The following RNF170 variants were observed in gnomAD, a reference collection of about 807,000 sequenced individuals.
RNF170 encodes the protein E3 ubiquitin-protein ligase RNF170.
A neutral mutation model predicts 32.7 loss-of-function variants in RNF170; 12 were observed. The ratio of observed to expected loss-of-function variants is 0.37; its 90% CI spans 0.24 to 0.60. RNF170 has a LOEUF of 0.60. RNF170 is among the 20% of genes least tolerant of loss of function. The pLI is 0.72. For missense variants in RNF170, 212 were observed against 311.2 expected, an observed-to-expected ratio of 0.68 and a Z score of 2.40; for synonymous variants, 91 against 103.6, an observed-to-expected ratio of 0.88 and a Z score of 0.74.
chr8:42,863,980 A>AGGGT (rs149654513), intron 5 of RNF170, among the ~76,000 whole-genome samples: 1 of 139,512 alleles, frequency 7.2e-6, no homozygotes, highest in Admixed American at 7.2e-5. Context: ...AGAGAGAGAG[A>AGGGT]GTGTGTGTGT....
At chr8:42,894,005 C>G (rs541285481) in intron 1 of RNF170, among the ~76,000 whole-genome samples, 4 of 152,262 alleles carry the variant, frequency 2.6e-5, no homozygotes, top group African/African-American at 9.6e-5. Flanking sequence ...ATAAAACACA[C>G]AGAGAAAATA....
In RNF170 at chr8:42,854,180, C is replaced by T. The variant is rs1422000566; in HGVS notation, c.*1979G>A. 1 of 1,287,142 alleles carries T rather than the reference C, an allele frequency of 7.8e-7. No homozygotes were observed. The highest frequency in any genetic ancestry group is 2.3e-5 in the Admixed American group (1 of 43,556). The allele number at this position is 1,287,142 out of a possible 1,614,324, so 79.7% of individuals were successfully genotyped here. A position where few individuals can be genotyped will look rare whatever the true frequency, so the allele number is the denominator to read the frequency against. On this transcript the variant is annotated 3_prime_UTR_variant, in exon 7 of 7. Coordinates refer to ENST00000527424, the MANE Select transcript of RNF170 (RefSeq NM_030954.4). ...AGAATTCGGATTCATGTCATCTCCACAGACCTTTCCTCTTAGGAGTGCCTA... is the reference window on the plus strand; with the variant it reads ...AGAATTCGGATTCATGTCATCTCCATAGACCTTTCCTCTTAGGAGTGCCTA...
chr8:42,855,503 G>A lies in RNF170; in HGVS notation c.*656C>T, dbSNP rs764741877. On this transcript the variant is annotated 3_prime_UTR_variant, in exon 7 of 7. Transcript: ENST00000527424. ...TAGGATTACAGGCGTGAGCCACCCCGCCCGGCCATGTTTTTCATCTTAATT... is the reference window on the plus strand; with the variant it reads ...TAGGATTACAGGCGTGAGCCACCCCACCCGGCCATGTTTTTCATCTTAATT... The A allele has an allele frequency of 2.0e-5, 25 of 1,271,938 alleles. No homozygotes were observed. Among genetic ancestry groups the A allele is most frequent in the South Asian group, 2.5e-5 (2 of 80,594 alleles). 78.8% of individuals were successfully genotyped at this position (1,271,938 alleles called of 1,614,324 possible).
At chr8:42,896,459 C>G in intron 1 of RNF170, 25 bp downstream of exon 1, 1 of 453,734 alleles carries the variant, frequency 2.2e-6, no homozygotes, top group South Asian at 1.6e-5. Flanking sequence ...ATAGGGTGGG[C>G]GTGGCCGCCG....
At chr8:42,880,283 A>G (rs1490630382) in intron 2 of RNF170, among the ~76,000 whole-genome samples, 1 of 152,246 alleles carries the variant, frequency 6.6e-6, no homozygotes, top group Non-Finnish European at 1.5e-5. Context: ...TTGAGATGAC[A>G]ACAAGGGATT....
intron 2 of RNF170, among the ~76,000 whole-genome samples, chr8:42,876,941 C>T (rs2128940994): frequency 6.7e-6 from 1 of 150,210 alleles, no homozygotes; most frequent in East Asian, 2.0e-4. Context: ...AGGCGTGAGC[C>T]ACTGTGCCCG....
chr8:42,897,219 C>T (rs1159010313), upstream of RNF170: 1 of 1,208,750 alleles, frequency 8.3e-7, no homozygotes, highest in Non-Finnish European at 1.0e-6. Flanking sequence ...GGCGGGAAGA[C>T]CCCCTCCCCC....
chr8:42,856,925 TG>T (rs1563656193), intron 6 of RNF170, among the ~76,000 whole-genome samples: 1 of 152,178 alleles, frequency 6.6e-6, no homozygotes, highest in African/African-American at 2.4e-5. Flanking sequence ...AAAGGTTCCC[TG>T]GCAAGCGGAC....
chr8:42,866,448 G>A (rs991979790), intron 4 of RNF170, among the ~76,000 whole-genome samples: 4 of 151,786 alleles, frequency 2.6e-5, no homozygotes, highest in African/African-American at 9.7e-5. Context: ...CTACTTGGGA[G>A]GCTGAGGCAA....
chr8:42,894,162 G>A (rs1806546417), intron 1 of RNF170, among the ~76,000 whole-genome samples: 1 of 152,140 alleles, frequency 6.6e-6, no homozygotes, highest in Admixed American at 6.5e-5. Context: ...TTTCATCAAA[G>A]GTAACTGGAA....
chr8:42,872,043 A>C (rs1181262065), intron 3 of RNF170, among the ~76,000 whole-genome samples: 3 of 152,208 alleles, frequency 2.0e-5, no homozygotes, highest in Non-Finnish European at 4.4e-5. Flanking sequence ...GATTGTGTTT[A>C]ATTTTAACTC....
At chr8:42,856,574 T>A in intron 6 of RNF170, 146 bp from the exon 7 acceptor site, 1 of 628,260 alleles carries the variant, frequency 1.6e-6, no homozygotes, top group Non-Finnish European at 2.7e-6. Flanking sequence ...TTATGTGTTG[T>A]ATTTAAAAAT....
intron 1 of RNF170, chr8:42,896,244 C>A (rs752464104): frequency 3.1e-6 from 1 of 324,978 alleles, no homozygotes; most frequent in Admixed American, 4.3e-5. Context: ...CTCGCCGCCG[C>A]CAAACCCACC....
intron 2 of RNF170, among the ~76,000 whole-genome samples, chr8:42,874,645 G>C (rs1804776236): frequency 6.6e-6 from 1 of 152,050 alleles, no homozygotes; most frequent in Non-Finnish European, 1.5e-5. Flanking sequence ...AGGAGGCTGA[G>C]GCAGGAGAAT....
chr8:42,875,609 C>G (rs1804862415), intron 2 of RNF170, among the ~76,000 whole-genome samples: 2 of 152,152 alleles, frequency 1.3e-5, no homozygotes, highest in African/African-American at 4.8e-5. Context: ...AGGAGTCTCA[C>G]TCTGTCACCC....
intron 5 of RNF170, among the ~76,000 whole-genome samples, chr8:42,864,870 A>G (rs1201813061): frequency 6.6e-6 from 1 of 152,028 alleles, no homozygotes; most frequent in Non-Finnish European, 1.5e-5. Context: ...CTTTCACTAC[A>G]ACTGTAGGAT....
At chr8:42,885,844 GACTTCC>G (rs1292339641) in intron 2 of RNF170, among the ~76,000 whole-genome samples, 6 of 152,042 alleles carry the variant, frequency 3.9e-5, no homozygotes, top group Non-Finnish European at 8.8e-5. Flanking sequence ...CTGCAGACTT[GACTTCC>G]TAGGCTTAAG....
chr8:42,853,227 T>C (rs1438619709), downstream of RNF170: 8 of 623,876 alleles, frequency 1.3e-5, no homozygotes, highest in Non-Finnish European at 1.8e-5. Context: ...GTTGCAACCA[T>C]TATACTGAAT....
intron 4 of RNF170, among the ~76,000 whole-genome samples, chr8:42,869,554 A>T (rs1194689360): frequency 1.3e-5 from 2 of 152,192 alleles, no homozygotes; most frequent in Non-Finnish European, 2.9e-5. Context: ...TTTAGTACAA[A>T]CTCAGAGTCA....
Sources: allele counts gnomAD v4.1 joint callset (sites outside exome capture counted in the v4.1 genomes callset), GRCh38; gene constraint gnomAD v4.1.1; transcripts MANE v1.5; gene names NCBI Gene and HGNC (gene_info 2026-07-23, HGNC 2026-07-21).